Variants in TMEM191C observed in about 807,000 individuals in gnomAD.
The protein encoded by TMEM191C is transmembrane protein 191C.
A neutral mutation model predicts 37.1 loss-of-function variants in TMEM191C; 26 were observed. That is an observed-to-expected ratio of 0.70 (90% CI 0.51 to 0.97). The LOEUF is 0.97. TMEM191C is among the 50% of genes least tolerant of loss of function. The probability of loss-of-function intolerance (pLI) is 0.00; values close to 1 mark genes in which losing one functional copy is unlikely to be tolerated. For synonymous variants in TMEM191C, 115 were observed against 143.7 expected, an observed-to-expected ratio of 0.80 and a Z score of 1.43; for missense variants, 240 against 294.7, an observed-to-expected ratio of 0.81 and a Z score of 1.36.
Position 21,467,996 on chromosome 22 carries a change from G to C in TMEM191C, c.258G>C (p.Ala86=). 3 of 529,858 alleles carry C rather than the reference G, an allele frequency of 5.7e-6. No individual in the cohort carries two copies. The highest frequency in any genetic ancestry group is 3.7e-5 in the Admixed American group (1 of 26,890). 32.8% of individuals were successfully genotyped at this position (529,858 alleles called of 1,614,324 possible). ...GGGTGCGCAGAAGACTGGAGGAGGC[G>C]GAGCGCCACAAGGAGTACTTGGTGA... ...AERVRRRLEE[A]ERHKEYLEQH... Residue 86 remains alanine (A), a synonymous_variant, in exon 2 of 10, where the codon GCG becomes GCC. Transcript: ENST00000536718.
At position 21,467,514 on chromosome 22, in the gene TMEM191C, C is replaced by T; in HGVS notation, c.55C>T (p.Arg19Cys). Residue 19 changes from arginine (R) to cysteine (C), a missense_variant, in exon 1 of 10, where the codon CGC becomes TGC. Arg to Cys is a radical substitution (Grantham distance 180). Coordinates refer to ENST00000536718, the MANE Select transcript of TMEM191C (RefSeq NM_001388354.1). ...GTTGCAGAAGGATAACCGAGATGGT[C>T]GCCAGCGGAAGCAGGAGCTAGAGAA... is the stretch of plus-strand genomic sequence containing the variant. The part of the protein sequence containing the change: ...LQLQKDNRDG[R>C]QRKQELEKLM... 1.3e-6 allele frequency: 1 copy of T among 761,580 alleles called. No homozygotes were observed. Among genetic ancestry groups the T allele is most frequent in the African/African-American group, 2.3e-5 (1 of 44,312 alleles). 47.2% of individuals were successfully genotyped at this position (761,580 alleles called of 1,614,324 possible). A position where few individuals can be genotyped will look rare whatever the true frequency, so the allele number is the denominator to read the frequency against.
At position 21,468,448 on chromosome 22, in the gene TMEM191C, C is replaced by G; in HGVS notation, c.408+17C>G. ...ACGCTGCAGGTGCTTGAGCGGGACC[C>G]TGAGGTGTTTAGTAGGGGCGGAGCA... On this transcript the variant is annotated intron_variant, in intron 4 of 9. Transcript: ENST00000536718. 6.9e-7 allele frequency: 1 copy of G among 1,459,210 alleles called. No homozygotes were observed. Among genetic ancestry groups the G allele is most frequent in the Admixed American group, 2.1e-5 (1 of 47,586 alleles). 90.4% of individuals were successfully genotyped at this position (1,459,210 alleles called of 1,614,324 possible).
At position 21,467,911 on chromosome 22, in the gene TMEM191C, G is replaced by A; in HGVS notation, c.173G>A (p.Ser58Asn). Reference sequence around the variant, plus strand: ...CTCTGCAGCCTGCTGCGGAGGCGAAGCCAGGCAGCGCAGCCTCTGCAAGGG... The same window carrying A: ...CTCTGCAGCCTGCTGCGGAGGCGAAACCAGGCAGCGCAGCCTCTGCAAGGG... ...ERERSLLRRR[S>N]QAAQPLQGEA... is the part of the protein sequence containing the mutation. Residue 58 changes from serine (S) to asparagine (N), a missense_variant, in exon 2 of 10, where the codon AGC becomes AAC. By Grantham distance (46) the Ser-to-Asn change is conservative. This residue lies in a region of TMEM191C where 130 missense variants were observed against 105.7 expected (regional missense o/e 1.23). Coordinates refer to ENST00000536718, the MANE Select transcript of TMEM191C (RefSeq NM_001388354.1). The A allele has an allele frequency of 1.6e-6, 1 of 626,262 alleles. No individual in the cohort carries two copies. Among genetic ancestry groups the A allele is most frequent in the Non-Finnish European group, 2.6e-6 (1 of 384,592 alleles). 38.8% of individuals were successfully genotyped at this position (626,262 alleles called of 1,614,324 possible). A position where few individuals can be genotyped will look rare whatever the true frequency, so the allele number is the denominator to read the frequency against.
In TMEM191C at chr22:21,468,168, A is replaced by C; in HGVS notation, c.296A>C (p.Gln99Pro). ...CGTCCGCAGGAGCAGCACAGCAGGCAGCTGCAGGAGCAGTGGGAGGAGCTG... is the reference window on the plus strand; with the variant it reads ...CGTCCGCAGGAGCAGCACAGCAGGCCGCTGCAGGAGCAGTGGGAGGAGCTG... ...HKEYLEQHSR[Q>P]LQEQWEELSS... The change falls in exon 3 of 10, where the codon CAG becomes CCG. Residue 99 changes from glutamine to proline, a missense_variant. By Grantham distance (76) the Gln-to-Pro change is moderately conservative. Transcript: ENST00000536718. 6.6e-7 allele frequency: 1 copy of C among 1,517,128 alleles called. No individual in the cohort carries two copies. The highest frequency in any genetic ancestry group is 8.8e-7 in the Non-Finnish European group (1 of 1,140,480). 94.0% of individuals were successfully genotyped at this position (1,517,128 alleles called of 1,614,324 possible).
At chr22:21,468,299 A>T in intron 3 of TMEM191C, 55 bp from the exon 4 acceptor site, 1 of 1,534,938 alleles carries the variant, frequency 6.5e-7, no homozygotes, top group Non-Finnish European at 8.7e-7. Context: ...GTCTCCCCTG[A>T]CACCCGTTCC....
chr22:21,468,420 G>T lies in TMEM191C; in HGVS notation c.397G>T (p.Val133Leu). 1.3e-6 allele frequency: 2 copies of T among 1,531,144 alleles called. No individual in the cohort carries two copies. The highest frequency in any genetic ancestry group is 2.8e-5 in the African/African-American group (2 of 72,220). The allele number at this position is 1,531,144 out of a possible 1,614,324, so 94.8% of individuals were successfully genotyped here. A position where few individuals can be genotyped will look rare whatever the true frequency, so the allele number is the denominator to read the frequency against. ...STEQQLAAQL[V>L]TLQNELELAE... ...GGAGCAGCAACTCGCAGCCCAATTG[G>T]TGACGCTGCAGGTGCTTGAGCGGGA... The change falls in exon 4 of 10, where the codon GTG becomes TTG. Residue 133 changes from valine to leucine, a missense_variant. Coordinates refer to ENST00000536718, the MANE Select transcript of TMEM191C (RefSeq NM_001388354.1).
At chr22:21,468,639 C>T (rs1413189300) in intron 4 of TMEM191C, 140 bp from the exon 5 acceptor site, 7 of 1,414,638 alleles carry the variant, frequency 4.9e-6, no homozygotes, top group Non-Finnish European at 6.7e-6. Flanking sequence ...CCAGCTGGGG[C>T]GTTGCTTACG....
Position 21,469,532 on chromosome 22 carries a change from C to T in TMEM191C, c.702C>T (p.Ile234=). 7.3e-7 allele frequency: 1 copy of T among 1,370,904 alleles called. No homozygotes were observed. Among genetic ancestry groups the T allele is most frequent in the South Asian group, 1.7e-5 (1 of 58,646 alleles). The allele number at this position is 1,370,904 out of a possible 1,614,324, so 84.9% of individuals were successfully genotyped here. The change falls in exon 9 of 10, where the codon ATC becomes ATT. Residue 234 remains isoleucine (I), a splice_region_variant and synonymous_variant. Transcript: ENST00000536718. The part of the protein sequence containing the change: ...RLFGGPRALA[I]RRCVLGALQV... ...TCGGCGGCCCTCGCGCGCTGGCCAT[C>T]AGGTGAGCCGGGCGGTGGGCGCGGC...
intron 9 of TMEM191C, 40 bp downstream of exon 9, chr22:21,469,574 CCCG>C (rs200512767): frequency 0.027 from 39,670 of 1,468,184 alleles, 653 homozygotes; most frequent in African/African-American, 0.051. Flanking sequence ...CCCCCAGGTG[CCCG>C]CCCGAGTTGC....
chr22:21,468,219 G>A lies in TMEM191C; in HGVS notation c.330+17G>A. On this transcript the variant is annotated intron_variant, in intron 3 of 9. Transcript: ENST00000536718. The stretch of plus-strand genomic sequence containing the variant: ...TCGAGTCAGGTACGTGCAGGAGATG[G>A]GAGGGCCTGTCTCTTGGTTCCTCTC... 2 of 1,530,116 alleles carry A rather than the reference G, an allele frequency of 1.3e-6. No individual in the cohort carries two copies. The highest frequency in any genetic ancestry group is 1.7e-6 in the Non-Finnish European group (2 of 1,145,320). 94.8% of individuals were successfully genotyped at this position (1,530,116 alleles called of 1,614,324 possible).
Position 21,469,283 on chromosome 22 carries a change from G to T in TMEM191C, c.600G>T (p.Gly200=). 1 of 1,458,414 alleles carries T rather than the reference G, an allele frequency of 6.9e-7. No homozygotes were observed. Among genetic ancestry groups the T allele is most frequent in the Non-Finnish European group, 9.0e-7 (1 of 1,113,214 alleles). The allele number at this position is 1,458,414 out of a possible 1,614,324, so 90.3% of individuals were successfully genotyped here. ...AWQSGRELCD[G]QLRGVQYSTE... ...ATGCCTGTCCCCGCAGGTGTGACGG[G>T]CAGCTTCGCGGAGTGCAGTACAGCA... The change falls in exon 8 of 10, where the codon GGG becomes GGT. Residue 200 remains glycine, a synonymous_variant. Coordinates refer to ENST00000536718, the MANE Select transcript of TMEM191C (RefSeq NM_001388354.1).
chr22:21,468,223 G>A, intron 3 of TMEM191C, 21 bp downstream of exon 3: 3 of 1,530,542 alleles, frequency 2.0e-6, no homozygotes, highest in Non-Finnish European at 2.6e-6. Context: ...GAGATGGGAG[G>A]GCCTGTCTCT....
intron 1 of TMEM191C, 39 bp downstream of exon 1, chr22:21,467,653 G>A: frequency 6.7e-6 from 10 of 1,491,146 alleles, no homozygotes; most frequent in Non-Finnish European, 8.9e-6. Flanking sequence ...GGGCGCGCGA[G>A]GGTCGGTCCC....
chr22:21,469,620 GTGCGTGCTGGGCGCGCTGCAGGTGC>G lies in TMEM191C; in HGVS notation c.712_736del (p.Val238Ter). On this transcript the variant is annotated frameshift_variant, in exon 10 of 10. Transcript: ENST00000536718. LOFTEE classifies it high-confidence loss of function. ...CTGCCCGCCTTTCGCCCCGCAGGCGGTGCGTGCTGGGCGCGCTGCAGGTGCTGCTGACGCTGCCGCTCCTCTTCCT... is the reference window on the plus strand; with the variant it reads ...CTGCCCGCCTTTCGCCCCGCAGGCGGTGCTGACGCTGCCGCTCCTCTTCCT... The G allele has an allele frequency of 1.4e-6, 2 of 1,480,940 alleles. No homozygotes were observed. Among genetic ancestry groups the G allele is most frequent in the Non-Finnish European group, 1.8e-6 (2 of 1,124,822 alleles). The allele number at this position is 1,480,940 out of a possible 1,614,324, so 91.7% of individuals were successfully genotyped here.
At chr22:21,469,571 G>A in intron 9 of TMEM191C, 37 bp downstream of exon 9, 1 of 1,465,732 alleles carries the variant, frequency 6.8e-7, no homozygotes, top group Non-Finnish European at 8.9e-7. Context: ...GGTCCCCCAG[G>A]TGCCCGCCCG....
chr22:21,469,388 G>A (rs1924655802), intron 8 of TMEM191C, 42 bp downstream of exon 8: 1 of 1,297,718 alleles, frequency 7.7e-7, no homozygotes, highest in South Asian at 1.8e-5. Flanking sequence ...GCTGGAGCGG[G>A]ACAACCCTCC....
In TMEM191C at chr22:21,468,163, C is replaced by G. The variant is rs527730243; in HGVS notation, c.291C>G (p.Ser97Arg). ...ERHKEYLEQH[S>R]RQLQEQWEEL... ...GACCCCGTCCGCAGGAGCAGCACAG[C>G]AGGCAGCTGCAGGAGCAGTGGGAGG... The change falls in exon 3 of 10, where the codon AGC becomes AGG. Residue 97 changes from serine (S) to arginine (R), a missense_variant. Around this residue, in one of 3 missense-constraint regions of TMEM191C, gnomAD observed 130 missense variants for 105.7 expected, o/e 1.23. Transcript: ENST00000536718. The G allele has an allele frequency of 4.1e-4, 626 of 1,514,578 alleles. 4 individuals carry two copies. The African/African-American group carries it at 7.8e-3, about 19-fold the overall frequency. 93.8% of individuals were successfully genotyped at this position (1,514,578 alleles called of 1,614,324 possible).
Position 21,469,892 on chromosome 22 carries a change from C to G in TMEM191C, c.*71C>G. 6.2e-6 allele frequency: 9 copies of G among 1,453,790 alleles called. No individual in the cohort carries two copies. The highest frequency in any genetic ancestry group is 7.2e-6 in the Non-Finnish European group (8 of 1,110,660). 90.1% of individuals were successfully genotyped at this position (1,453,790 alleles called of 1,614,324 possible). A position where few individuals can be genotyped will look rare whatever the true frequency, so the allele number is the denominator to read the frequency against. ...GCTTTATTTCTGGTGCACTCCTCTC[C>G]TGAGAGTGTAGACCAAGGTTGCCTA... On this transcript the variant is annotated 3_prime_UTR_variant, in exon 10 of 10. Transcript: ENST00000536718.
Position 21,469,530 on chromosome 22 carries a change from A to G in TMEM191C, c.700A>G (p.Ile234Val). Reference protein sequence around the residue: ...RLFGGPRALAIRRCVLGALQV... With the variant: ...RLFGGPRALAVRRCVLGALQV... ...GTTCGGCGGCCCTCGCGCGCTGGCCATCAGGTGAGCCGGGCGGTGGGCGCG... is the reference window on the plus strand; with the variant it reads ...GTTCGGCGGCCCTCGCGCGCTGGCCGTCAGGTGAGCCGGGCGGTGGGCGCG... The change falls in exon 9 of 10, where the codon ATC (isoleucine) becomes GTC (valine). Residue 234 changes from isoleucine to valine, a missense_variant. By Grantham distance (29) the Ile-to-Val change is conservative. Around this residue, in one of 3 missense-constraint regions of TMEM191C, gnomAD observed 76 missense variants for 100.0 expected, o/e 0.76. Coordinates refer to ENST00000536718, the MANE Select transcript of TMEM191C (RefSeq NM_001388354.1). 5 of 1,369,090 alleles carry G rather than the reference A, an allele frequency of 3.7e-6. No individual in the cohort carries two copies. The highest frequency in any genetic ancestry group is 3.1e-5 in the East Asian group (1 of 32,644). 84.8% of individuals were successfully genotyped at this position (1,369,090 alleles called of 1,614,324 possible). A position where few individuals can be genotyped will look rare whatever the true frequency, so the allele number is the denominator to read the frequency against.
Sources: allele counts gnomAD v4.1 joint callset, GRCh38; gene constraint gnomAD v4.1.1; regional missense constraint gnomAD v4.1.1; transcripts MANE v1.5; gene names NCBI Gene and HGNC (gene_info 2026-07-23, HGNC 2026-07-21).